Variants in GAS7 observed in about 807,000 individuals in gnomAD.
GAS7 encodes growth arrest-specific protein 7.
A neutral mutation model predicts 71.1 loss-of-function variants in GAS7; 28 were observed. That is an observed-to-expected ratio of 0.39 (90% CI 0.29 to 0.54). The LOEUF (loss-of-function observed/expected upper bound fraction) is 0.54, where lower values mean the gene tolerates loss of function less well. Ranked by LOEUF, GAS7 falls within the 20% of genes least tolerant of loss-of-function variation. The pLI, the probability that GAS7 is intolerant of heterozygous loss-of-function variation, is 0.62. For missense variants in GAS7, 436 were observed against 627.8 expected, an observed-to-expected ratio of 0.69 and a Z score of 3.27; for synonymous variants, 258 against 245.8, an observed-to-expected ratio of 1.05 and a Z score of -0.46.
intron 1 of GAS7, among the ~76,000 whole-genome samples, chr17:10,175,882 C>A (rs1224578961): frequency 1.3e-5 from 2 of 152,178 alleles, no homozygotes; most frequent in Non-Finnish European, 2.9e-5. Flanking sequence ...ACTTCAAATA[C>A]GAGTGGGGAG....
intron 1 of GAS7, among the ~76,000 whole-genome samples, chr17:10,087,974 G>GT (rs1362746066): frequency 6.6e-6 from 1 of 152,042 alleles, no homozygotes; most frequent in Non-Finnish European, 1.5e-5. Flanking sequence ...CACAATTTCA[G>GT]TAAATAAAAG....
chr17:9,941,476 C>T (rs2152091835), intron 7 of GAS7, among the ~76,000 whole-genome samples: 1 of 152,312 alleles, frequency 6.6e-6, no homozygotes, highest in East Asian at 1.9e-4. Flanking sequence ...AACCAAGATC[C>T]CAGCAAACCA....
intron 5 of GAS7, among the ~76,000 whole-genome samples, chr17:9,947,405 C>T (rs1207718803): frequency 3.9e-5 from 6 of 152,118 alleles, no homozygotes; most frequent in Admixed American, 3.9e-4. Flanking sequence ...ATGAGATAGA[C>T]ATCTATGGAA....
At chr17:10,180,636 T>C (rs927543805) in intron 1 of GAS7, among the ~76,000 whole-genome samples, 3 of 152,162 alleles carry the variant, frequency 2.0e-5, no homozygotes, top group African/African-American at 7.2e-5. Context: ...ATCTGAGTTA[T>C]TTGCCCTGCA....
At chr17:10,166,307 G>A (rs915471793) in intron 1 of GAS7, among the ~76,000 whole-genome samples, 2 of 152,202 alleles carry the variant, frequency 1.3e-5, no homozygotes, top group Non-Finnish European at 2.9e-5. Context: ...GCAGGCGTGA[G>A]TCACCACACC....
intron 1 of GAS7, among the ~76,000 whole-genome samples, chr17:10,059,999 T>C (rs554205003): frequency 7.9e-4 from 120 of 152,302 alleles, no homozygotes; most frequent in African/African-American, 2.0e-3. Context: ...AAGTGCCTGG[T>C]CCTGATGAAC....
chr17:9,943,074 G>T, intron 7 of GAS7, 47 bp downstream of exon 7: 1 of 1,271,132 alleles, frequency 7.9e-7, no homozygotes, highest in East Asian at 2.3e-5. Context: ...GGGGCCCCGG[G>T]GAACACTGGT....
chr17:9,981,938 T>G lies in GAS7; in HGVS notation c.305-54A>C. On this transcript the variant is annotated intron_variant, in intron 2 of 13. Coordinates refer to ENST00000432992, the MANE Select transcript of GAS7 (RefSeq NM_201433.2). This position sits in a 1 kb window ranked among gnomAD's most constrained non-coding sequence, Gnocchi z 4.4. ...TTTGAGAATGTCACAGGGCAGAACC[T>G]GAGTTTCACAGAGCAGAAGGAGATG... The G allele has an allele frequency of 1.0e-6, 1 of 977,798 alleles. No individual in the cohort carries two copies. Among genetic ancestry groups the G allele is most frequent in the South Asian group, 1.3e-5 (1 of 77,644 alleles). The allele number at this position is 977,798 out of a possible 1,614,324, so 60.6% of individuals were successfully genotyped here.
At chr17:10,021,983 T>C (rs1272619824) in intron 1 of GAS7, among the ~76,000 whole-genome samples, 1 of 152,040 alleles carries the variant, frequency 6.6e-6, no homozygotes, top group African/African-American at 2.4e-5. Flanking sequence ...TAGGGCCAGG[T>C]GCAATGTCTC....
intron 1 of GAS7, among the ~76,000 whole-genome samples, chr17:10,174,535 A>G (rs2074357885): frequency 6.6e-6 from 1 of 152,004 alleles, no homozygotes; most frequent in South Asian, 2.1e-4. Flanking sequence ...TACTAAAAAT[A>G]CAAAAAATTA....
At chr17:10,148,583 A>T (rs1161868937) in intron 1 of GAS7, among the ~76,000 whole-genome samples, 3 of 143,266 alleles carry the variant, frequency 2.1e-5, no homozygotes, top group Admixed American at 7.3e-5. Context: ...GCACCACTGC[A>T]CTCCAGCCTG....
chr17:9,951,843 C>CAGG (rs112553870), intron 5 of GAS7, among the ~76,000 whole-genome samples: 5,827 of 150,468 alleles, frequency 0.039, 290 homozygotes, highest in African/African-American at 0.1. Flanking sequence ...GTGGGGCAGG[C>CAGG]AGGAGGAGAA....
chr17:10,156,774 C>T (rs550202069), intron 1 of GAS7, among the ~76,000 whole-genome samples: 6 of 152,106 alleles, frequency 3.9e-5, no homozygotes, highest in Admixed American at 1.3e-4. Context: ...GAGCAGTCGG[C>T]CCCCTCCTGC....
In GAS7 at chr17:9,912,516, G is replaced by A. The variant is rs556018103; in HGVS notation, c.*4712C>T. The A allele has an allele frequency of 6.0e-5, 14 of 232,830 alleles. No individual in the cohort carries two copies. The highest frequency in any genetic ancestry group is 3.6e-4 in the East Asian group (6 of 16,522). The allele number at this position is 232,830 out of a possible 1,614,324, so 14.4% of individuals were successfully genotyped here. ...AACGCCCAATACATAGCCAAGGACC[G>A]TGTGACACTGAAGCCTGGGTCCCAG... On this transcript the variant is annotated 3_prime_UTR_variant, in exon 14 of 14. Coordinates refer to ENST00000432992, the MANE Select transcript of GAS7 (RefSeq NM_201433.2).
intron 1 of GAS7, among the ~76,000 whole-genome samples, chr17:10,167,182 C>G (rs902879643): frequency 1.3e-5 from 2 of 151,198 alleles, no homozygotes; most frequent in Admixed American, 1.3e-4. Flanking sequence ...CTCAGCCTCC[C>G]GAGTAGCTGG....
At chr17:9,941,919 C>A (rs1363554208) in intron 7 of GAS7, among the ~76,000 whole-genome samples, 1 of 152,022 alleles carries the variant, frequency 6.6e-6, no homozygotes, top group African/African-American at 2.4e-5. Context: ...TTCAAAACGC[C>A]GAAGCATTAT....
intron 1 of GAS7, among the ~76,000 whole-genome samples, chr17:10,064,350 G>C (rs1438374707): frequency 6.6e-6 from 1 of 152,200 alleles, no homozygotes; most frequent in Non-Finnish European, 1.5e-5. Flanking sequence ...GGCTCTCGTA[G>C]CATCTGTATG....
intron 4 of GAS7, among the ~76,000 whole-genome samples, chr17:9,961,951 A>G (rs2069512037): frequency 6.6e-6 from 1 of 152,218 alleles, no homozygotes; most frequent in African/African-American, 2.4e-5. Flanking sequence ...TCAACCACAA[A>G]CATATATTTT....
chr17:10,095,742 G>A (rs572502023), intron 1 of GAS7, among the ~76,000 whole-genome samples: 1 of 150,882 alleles, frequency 6.6e-6, no homozygotes, highest in Non-Finnish European at 1.5e-5. Flanking sequence ...GTCAGAGGTT[G>A]CAGTGAGCTG....
Sources: allele counts gnomAD v4.1 joint callset (sites outside exome capture counted in the v4.1 genomes callset), GRCh38; gene constraint gnomAD v4.1.1; non-coding constraint Gnocchi (gnomAD v3.1); transcripts MANE v1.5; gene names NCBI Gene and HGNC (gene_info 2026-07-23, HGNC 2026-07-21).